The following ZNF804B variants were observed in gnomAD, a reference collection of about 807,000 sequenced individuals.
ZNF804B encodes zinc finger protein 804B.
Under a neutral mutation model 101.4 loss-of-function variants are expected in ZNF804B, and 80 were observed. That is an observed-to-expected ratio of 0.79 (90% CI 0.66 to 0.95). The LOEUF (loss-of-function observed/expected upper bound fraction) is 0.95, where lower values mean the gene tolerates loss of function less well. Among genes scored for constraint, ZNF804B ranks in the 40% least tolerant of loss-of-function variants. The pLI is 0.00. For synonymous variants in ZNF804B, 622 were observed against 558.8 expected (o/e 1.11, Z -1.59); for missense variants, 1,673 against 1,561.9 (o/e 1.07, Z -1.20).
intron 1 of ZNF804B, among the ~76,000 whole-genome samples, chr7:88,808,354 C>A (rs1450464704): frequency 1.3e-5 from 2 of 150,256 alleles, no homozygotes; most frequent in Non-Finnish European, 3.0e-5. Flanking sequence ...TGCACTCCAG[C>A]CTGGGGGACA....
intron 1 of ZNF804B, among the ~76,000 whole-genome samples, chr7:89,020,135 C>T (rs946192158): frequency 1.4e-4 from 21 of 152,032 alleles, no homozygotes; most frequent in Non-Finnish European, 2.9e-5. Flanking sequence ...CTTTTTTGTA[C>T]ATAAGCAATA....
intron 1 of ZNF804B, among the ~76,000 whole-genome samples, chr7:89,192,910 C>T (rs1291184557): frequency 6.6e-6 from 1 of 152,054 alleles, no homozygotes; most frequent in Non-Finnish European, 1.5e-5. Context: ...ACATGATTAT[C>T]TCAATAGATG....
At chr7:88,952,073 T>C (rs928106565) in intron 1 of ZNF804B, among the ~76,000 whole-genome samples, 2 of 151,738 alleles carry the variant, frequency 1.3e-5, no homozygotes, top group African/African-American at 2.4e-5. Flanking sequence ...TTTGGAGGAG[T>C]CCCTGATTCC....
intron 1 of ZNF804B, among the ~76,000 whole-genome samples, chr7:89,149,684 G>T (rs998231001): frequency 4.6e-5 from 7 of 151,606 alleles, no homozygotes; most frequent in Non-Finnish European, 8.8e-5. Flanking sequence ...TATTTTCATT[G>T]TAAGTACTTA....
intron 1 of ZNF804B, among the ~76,000 whole-genome samples, chr7:89,087,614 A>G (rs1451656100): frequency 1.3e-5 from 2 of 152,090 alleles, no homozygotes; most frequent in Non-Finnish European, 2.9e-5. Flanking sequence ...ATTTGATTCT[A>G]TATGTTAGTG....
intron 2 of ZNF804B, among the ~76,000 whole-genome samples, chr7:89,225,165 T>C (rs1789068388): frequency 6.6e-6 from 1 of 152,074 alleles, no homozygotes; most frequent in East Asian, 1.9e-4. Flanking sequence ...TTTCCAGTTC[T>C]AATGTCCTGT....
intron 1 of ZNF804B, among the ~76,000 whole-genome samples, chr7:89,051,156 A>G (rs1789198912): frequency 6.6e-6 from 1 of 152,116 alleles, no homozygotes; most frequent in African/African-American, 2.4e-5. Flanking sequence ...TCTACAAGAA[A>G]TGCTGTGTTA....
chr7:89,094,062 G>A (rs1789934989), intron 1 of ZNF804B, among the ~76,000 whole-genome samples: 3 of 152,144 alleles, frequency 2.0e-5, no homozygotes. Flanking sequence ...TTTAGTCAAA[G>A]ACCTTACAAA....
chr7:89,096,650 C>A (rs1334665417), intron 1 of ZNF804B, among the ~76,000 whole-genome samples: 1 of 152,126 alleles, frequency 6.6e-6, no homozygotes, highest in Non-Finnish European at 1.5e-5. Context: ...CATGATATTT[C>A]AAAAACAGAT....
chr7:88,832,746 A>G (rs1400348179), intron 1 of ZNF804B, among the ~76,000 whole-genome samples: 1 of 151,974 alleles, frequency 6.6e-6, no homozygotes, highest in Non-Finnish European at 1.5e-5. Flanking sequence ...TTGCTGTTTG[A>G]AATTTCCCTT....
chr7:88,957,662 G>C (rs1246258484), intron 1 of ZNF804B, among the ~76,000 whole-genome samples: 10 of 151,128 alleles, frequency 6.6e-5, no homozygotes, highest in Admixed American at 1.3e-4. Flanking sequence ...TTGACTTTTA[G>C]GTGGATGAGA....
intron 2 of ZNF804B, among the ~76,000 whole-genome samples, chr7:89,294,409 A>C (rs2115904822): frequency 6.6e-6 from 1 of 152,278 alleles, no homozygotes; most frequent in South Asian, 2.1e-4. Context: ...CAGTTTCGAT[A>C]ATGAGAAATA....
intron 1 of ZNF804B, among the ~76,000 whole-genome samples, chr7:88,987,308 A>G (rs1793772182): frequency 6.6e-6 from 1 of 152,142 alleles, no homozygotes; most frequent in African/African-American, 2.4e-5. Context: ...GACTCCAAGT[A>G]CCAGAAAGAA....
chr7:88,931,604 A>C (rs1482222228), intron 1 of ZNF804B, among the ~76,000 whole-genome samples: 1 of 151,876 alleles, frequency 6.6e-6, no homozygotes, highest in African/African-American at 2.4e-5. Flanking sequence ...TGGCATAAAC[A>C]TCTTAACGGC....
chr7:89,035,142 G>A (rs1487731417), intron 1 of ZNF804B, among the ~76,000 whole-genome samples: 2 of 152,046 alleles, frequency 1.3e-5, no homozygotes, highest in East Asian at 1.9e-4. Context: ...TTTTCAATAA[G>A]TGTTCTAAAC....
intron 1 of ZNF804B, among the ~76,000 whole-genome samples, chr7:89,000,881 A>T (rs2116171531): frequency 6.7e-6 from 1 of 148,820 alleles, no homozygotes; most frequent in African/African-American, 2.4e-5. Flanking sequence ...GATATATATT[A>T]TATGCCACAA....
At chr7:89,167,514 T>C (rs1489089830) in intron 1 of ZNF804B, among the ~76,000 whole-genome samples, 1 of 152,082 alleles carries the variant, frequency 6.6e-6, no homozygotes, top group East Asian at 1.9e-4. Flanking sequence ...CTAGTGTTGT[T>C]CAGGAGTCAA....
rs201597943 is a variant in ZNF804B at position 89,208,081 on chromosome 7, G to GTTTT, written c.109-10074_109-10073insTTTT. Reference sequence around the variant, plus strand: ...GTGTGTTATATTTACTATTTTATTGGGTTTTTTTTTTTTTTTTTGAGACAG... The same window carrying GTTTT: ...GTGTGTTATATTTACTATTTTATTGGTTTTGTTTTTTTTTTTTTTTTTGAGACAG... On this transcript the variant is annotated intron_variant, in intron 1 of 3. Transcript: ENST00000333190. Among the ~76,000 whole-genome samples the GTTTT allele has an allele frequency of 9.6e-5, 13 of 135,418 alleles. 3 individuals are homozygous for GTTTT. Among genetic ancestry groups the GTTTT allele is most frequent in the Non-Finnish European group, 1.1e-4 (7 of 62,572 alleles). 88.8% of individuals were successfully genotyped at this position (135,418 alleles called of 152,430 possible). A position where few individuals can be genotyped will look rare whatever the true frequency, so the allele number is the denominator to read the frequency against.
At chr7:89,198,420 C>T (rs1303197531) in intron 1 of ZNF804B, among the ~76,000 whole-genome samples, 3 of 151,754 alleles carry the variant, frequency 2.0e-5, no homozygotes, top group East Asian at 1.9e-4. Flanking sequence ...ATATTAATAG[C>T]GTTTGTAAGA....
Sources: allele counts gnomAD v4.1 joint callset (sites outside exome capture counted in the v4.1 genomes callset), GRCh38; gene constraint gnomAD v4.1.1; transcripts MANE v1.5; gene names NCBI Gene and HGNC (gene_info 2026-07-23, HGNC 2026-07-21).